SLC39A11: variants seen among roughly 807,000 people sequenced by gnomAD.
SLC39A11 encodes zinc transporter ZIP11.
A neutral mutation model predicts 36.1 loss-of-function variants in SLC39A11; 33 were observed. That is an observed-to-expected ratio of 0.91 (90% CI 0.69 to 1.22). SLC39A11 has a LOEUF of 1.22. Among genes scored for constraint, SLC39A11 ranks in the 50% most tolerant of loss-of-function variants. The pLI, the probability that SLC39A11 is intolerant of heterozygous loss-of-function variation, is 0.00. For synonymous variants in SLC39A11, 166 were observed against 170.3 expected (o/e 0.97, Z 0.20); for missense variants, 432 against 430.3 (o/e 1.00, Z -0.03).
intron 3 of SLC39A11, among the ~76,000 whole-genome samples, chr17:73,068,928 C>T (rs981588254): frequency 1.3e-5 from 2 of 152,136 alleles, no homozygotes; most frequent in Admixed American, 6.6e-5. Context: ...TCTCCAGAAA[C>T]TTCCCCATCA....
chr17:72,855,941 C>T (rs995380655), intron 5 of SLC39A11, among the ~76,000 whole-genome samples: 7 of 151,866 alleles, frequency 4.6e-5, no homozygotes, highest in African/African-American at 7.3e-5. Flanking sequence ...TTATATTGTC[C>T]CTGCCTTCTT....
At chr17:72,900,570 A>G (rs2033731231) in intron 5 of SLC39A11, among the ~76,000 whole-genome samples, 1 of 151,614 alleles carries the variant, frequency 6.6e-6, no homozygotes, top group Admixed American at 6.6e-5. Context: ...CTCTGACACA[A>G]TCTGATTTGC....
At position 72,816,701 on chromosome 17, in the gene SLC39A11, G is replaced by A. The variant is rs146565604; in HGVS notation, c.601+32933C>T. Among the ~76,000 whole-genome samples the A allele has an allele frequency of 4.7e-3, 714 of 152,226 alleles. 4 individuals carry two copies. Among genetic ancestry groups the A allele is most frequent in the Admixed American group, 7.8e-3 (119 of 15,286 alleles). The stretch of plus-strand genomic sequence containing the variant: ...CAAACCCAAGCTCTCCCAGGTGTCC[G>A]TAGCCCAGCTACGAAATCTGTCATC... On this transcript the variant is annotated intron_variant, in intron 6 of 9. Transcript: ENST00000255559.
chr17:72,861,666 TA>T (rs1245277325), intron 5 of SLC39A11, among the ~76,000 whole-genome samples: 2 of 107,090 alleles, frequency 1.9e-5, no homozygotes, highest in Non-Finnish European at 3.7e-5. Flanking sequence ...ATTATATATA[TA>T]TATATATATA....
chr17:72,890,757 T>TTCCAGGAGTAGAA (rs2081697636), intron 5 of SLC39A11, among the ~76,000 whole-genome samples: 1 of 152,032 alleles, frequency 6.6e-6, no homozygotes, highest in Non-Finnish European at 1.5e-5. Context: ...GAACTGTGAG[T>TTCCAGGAGTAGAA]CTGGGTGAGA....
intron 6 of SLC39A11, among the ~76,000 whole-genome samples, chr17:72,771,071 T>TA (rs966792233): frequency 6.6e-6 from 1 of 150,860 alleles, no homozygotes; most frequent in Non-Finnish European, 1.5e-5. Flanking sequence ...TTTTTTTTTT[T>TA]ATGTGCGTGT....
intron 6 of SLC39A11, among the ~76,000 whole-genome samples, chr17:72,774,782 C>T (rs534061321): frequency 2.6e-5 from 4 of 152,112 alleles, no homozygotes; most frequent in Admixed American, 6.5e-5. Context: ...TCTCATCTGC[C>T]GGGATCTAGC....
chr17:72,868,828 CAGTA>C (rs1047735499), intron 5 of SLC39A11, among the ~76,000 whole-genome samples: 1 of 151,636 alleles, frequency 6.6e-6, no homozygotes, highest in African/African-American at 2.4e-5. Flanking sequence ...AAAAAATCTT[CAGTA>C]AGTATTATAT....
chr17:72,858,266 G>A (rs989844054), intron 5 of SLC39A11, among the ~76,000 whole-genome samples: 4 of 152,112 alleles, frequency 2.6e-5, no homozygotes, highest in African/African-American at 9.7e-5. Flanking sequence ...TGTCAGCTTT[G>A]TCGAAGATCA....
intron 7 of SLC39A11, among the ~76,000 whole-genome samples, chr17:72,706,289 G>A (rs573056977): frequency 6.6e-6 from 1 of 152,276 alleles, no homozygotes; most frequent in African/African-American, 2.4e-5. Flanking sequence ...AAGAAGGGGA[G>A]TTTGCTTGTC....
At chr17:72,752,165 A>T (rs1449888393) in intron 6 of SLC39A11, among the ~76,000 whole-genome samples, 1 of 152,162 alleles carries the variant, frequency 6.6e-6, no homozygotes, top group Admixed American at 6.5e-5. Flanking sequence ...TAGAAAAGAA[A>T]AATTTTGATT....
intron 7 of SLC39A11, among the ~76,000 whole-genome samples, chr17:72,661,013 A>G (rs1240194291): frequency 1.3e-5 from 2 of 152,180 alleles, no homozygotes; most frequent in Non-Finnish European, 2.9e-5. Context: ...GCTCAGACTG[A>G]GTGTGGAGAA....
At chr17:72,938,119 T>C (rs1443390184) in intron 5 of SLC39A11, among the ~76,000 whole-genome samples, 1 of 152,154 alleles carries the variant, frequency 6.6e-6, no homozygotes, top group Non-Finnish European at 1.5e-5. Context: ...AATTTTCAGA[T>C]ATGCAGAGCT....
intron 4 of SLC39A11, among the ~76,000 whole-genome samples, chr17:72,949,166 T>TTC (rs2085673809): frequency 7.9e-6 from 1 of 125,802 alleles, no homozygotes; most frequent in Admixed American, 8.4e-5. Flanking sequence ...TTTTTTTTTT[T>TTC]TTTTTTTTTT....
intron 6 of SLC39A11, among the ~76,000 whole-genome samples, chr17:72,775,772 T>A (rs925930825): frequency 6.6e-6 from 1 of 152,174 alleles, no homozygotes; most frequent in East Asian, 1.9e-4. Context: ...TTCCCTTCTC[T>A]GGGGTCCAGC....
At chr17:72,956,797 CAA>C (rs2086267755) in intron 4 of SLC39A11, among the ~76,000 whole-genome samples, 1 of 152,182 alleles carries the variant, frequency 6.6e-6, no homozygotes, top group Non-Finnish European at 1.5e-5. Context: ...AAAAATCCAT[CAA>C]AAGCCACAAT....
intron 4 of SLC39A11, among the ~76,000 whole-genome samples, chr17:72,990,343 A>G (rs1306546676): frequency 6.6e-6 from 1 of 152,250 alleles, no homozygotes; most frequent in Non-Finnish European, 1.5e-5. Context: ...CAAGAAGGAA[A>G]AAACCCCCAG....
At chr17:73,045,844 T>G (rs552804579) in intron 3 of SLC39A11, among the ~76,000 whole-genome samples, 1 of 152,162 alleles carries the variant, frequency 6.6e-6, no homozygotes, top group African/African-American at 2.4e-5. Flanking sequence ...TTTCACCAGC[T>G]GGTCATCAAG....
intron 5 of SLC39A11, among the ~76,000 whole-genome samples, chr17:72,928,471 A>C (rs1472514150): frequency 2.6e-5 from 4 of 152,236 alleles, no homozygotes; most frequent in African/African-American, 9.6e-5. Context: ...AGAGAAAATA[A>C]TTCCAAAATG....
Sources: gnomAD v4.1 joint callset for allele counts (sites outside exome capture counted in the v4.1 genomes callset) on GRCh38, gnomAD v4.1.1 for gene constraint, MANE v1.5 for transcripts, NCBI Gene and HGNC (gene_info 2026-07-23, HGNC 2026-07-21) for gene names.